Variants in SLC25A24 observed in about 807,000 individuals in gnomAD.
The protein encoded by SLC25A24 is mitochondrial adenyl nucleotide antiporter SLC25A24.
Under a neutral mutation model 60.7 loss-of-function variants are expected in SLC25A24, and 49 were observed. The observed-to-expected ratio is 0.81, with a 90% CI of 0.64 to 1.02. The LOEUF (loss-of-function observed/expected upper bound fraction) is 1.02. Ranked by LOEUF, SLC25A24 falls within the 50% of genes least tolerant of loss-of-function variation. The pLI, the probability that SLC25A24 is intolerant of heterozygous loss-of-function variation, is 0.00. For synonymous variants in SLC25A24, 202 were observed against 200.6 expected (o/e 1.01, Z -0.06); for missense variants, 564 against 586.3 (o/e 0.96, Z 0.39).
At chr1:108,197,699 C>T (rs1010221052) in intron 1 of SLC25A24, among the ~76,000 whole-genome samples, 1 of 152,194 alleles carries the variant, frequency 6.6e-6, no homozygotes, top group Non-Finnish European at 1.5e-5. Context: ...GCATTTGAAT[C>T]AGTAAACCAA....
Position 108,163,412 on chromosome 1 carries a change from T to C in SLC25A24, c.399-2119A>G, listed in dbSNP as rs1421778847. ...GTATGGCCATTTTCACGATACTGAT[T>C]CTTCCTACCCATGAGCATGGAATGT... On this transcript the variant is annotated intron_variant, in intron 3 of 9. Transcript: ENST00000565488. Among the ~76,000 whole-genome samples, 3 of 150,544 alleles carry C rather than the reference T, an allele frequency of 2.0e-5. No homozygotes were observed. In the East Asian group the frequency reaches 5.9e-4, roughly 29 times the overall value.
At chr1:108,174,152 C>T (rs1271924678) in intron 3 of SLC25A24, among the ~76,000 whole-genome samples, 5 of 152,208 alleles carry the variant, frequency 3.3e-5, no homozygotes, top group Non-Finnish European at 7.4e-5. Flanking sequence ...GCCTCCAGGG[C>T]ACTTCAGAGG....
intron 4 of SLC25A24, among the ~76,000 whole-genome samples, chr1:108,158,695 C>T (rs997299795): frequency 4.7e-5 from 4 of 84,720 alleles, no homozygotes; most frequent in African/African-American, 2.0e-4. Context: ...AGAAGACAAG[C>T]CCATAAAGAA....
At chr1:108,193,027 T>C (rs1648394996) in intron 1 of SLC25A24, among the ~76,000 whole-genome samples, 1 of 139,312 alleles carries the variant, frequency 7.2e-6, no homozygotes, top group Admixed American at 8.0e-5. Context: ...AAGTATAGCT[T>C]CTCTTTTGGA....
At chr1:108,161,795 TC>T (rs1680091991) in intron 3 of SLC25A24, among the ~76,000 whole-genome samples, 1 of 151,694 alleles carries the variant, frequency 6.6e-6, no homozygotes, top group Non-Finnish European at 1.5e-5. Context: ...TGCCTTTGAG[TC>T]TTTTTTTTTT....
intron 3 of SLC25A24, among the ~76,000 whole-genome samples, chr1:108,176,643 T>A (rs1025773241): frequency 2.6e-5 from 4 of 151,534 alleles, no homozygotes; most frequent in African/African-American, 9.7e-5. Context: ...AAGAAGCAAA[T>A]AACATATAAG....
In SLC25A24 at chr1:108,136,786, A is replaced by T; in HGVS notation, c.1301T>A (p.Ile434Asn). ...QLNMVGLFRRIISKEGIPGLY... is the reference protein window; with the variant it reads ...QLNMVGLFRRNISKEGIPGLY... The stretch of plus-strand genomic sequence containing the variant: ...TCCTGGTATTCCTTCTTTGGAAATA[A>T]TTCGTCGAAAGAGGCCAACCATATT... The change falls in exon 10 of 10, where the codon ATT becomes AAT. Residue 434 changes from isoleucine to asparagine, a missense_variant. By Grantham distance (149) the Ile-to-Asn change is moderately radical. Transcript: ENST00000565488. 1 of 1,614,154 alleles carries T rather than the reference A, an allele frequency of 6.2e-7. No individual in the cohort carries two copies. The highest frequency in any genetic ancestry group is 8.5e-7 in the Non-Finnish European group (1 of 1,180,012).
intron 3 of SLC25A24, among the ~76,000 whole-genome samples, chr1:108,167,592 G>T (rs1187698307): frequency 6.6e-6 from 1 of 152,230 alleles, no homozygotes; most frequent in Non-Finnish European, 1.5e-5. Flanking sequence ...GACTAGGAAA[G>T]GGAACTCCCT....
intron 3 of SLC25A24, among the ~76,000 whole-genome samples, chr1:108,174,917 C>T (rs746398819): frequency 6.6e-6 from 1 of 152,220 alleles, no homozygotes; most frequent in Admixed American, 6.5e-5. Flanking sequence ...TAATCAATGC[C>T]TGTACCCTCA....
intron 1 of SLC25A24, among the ~76,000 whole-genome samples, chr1:108,190,419 T>C (rs1002306580): frequency 2.0e-5 from 3 of 152,156 alleles, no homozygotes; most frequent in Non-Finnish European, 4.4e-5. Flanking sequence ...GTATTGTCTC[T>C]AGAGATAGCA....
chr1:108,159,923 T>G (rs1366602958), intron 4 of SLC25A24, among the ~76,000 whole-genome samples: 5 of 151,696 alleles, frequency 3.3e-5, no homozygotes, highest in Non-Finnish European at 7.4e-5. Context: ...CCTTTCCCCT[T>G]TTTCTATTCC....
intron 3 of SLC25A24, among the ~76,000 whole-genome samples, chr1:108,170,015 T>C (rs963370317): frequency 6.6e-6 from 1 of 152,178 alleles, no homozygotes; most frequent in East Asian, 1.9e-4. Context: ...CTTTGCTATA[T>C]ATTCTTTATT....
At chr1:108,158,412 C>G (rs1009132945) in intron 4 of SLC25A24, among the ~76,000 whole-genome samples, 7 of 152,102 alleles carry the variant, frequency 4.6e-5, no homozygotes, top group Non-Finnish European at 5.9e-5. Context: ...CTTCATTTTA[C>G]TATCAATAAA....
intron 1 of SLC25A24, chr1:108,192,383 G>T: frequency 2.8e-6 from 2 of 709,356 alleles, no homozygotes; most frequent in Non-Finnish European, 4.6e-6. Context: ...CCTGAACACT[G>T]CAGTGGGCCC....
At chr1:108,186,374 A>T (rs1648125533) in intron 1 of SLC25A24, among the ~76,000 whole-genome samples, 1 of 151,928 alleles carries the variant, frequency 6.6e-6, no homozygotes, top group Non-Finnish European at 1.5e-5. Context: ...TGGACAACAT[A>T]GTGAGACCTC....
intron 1 of SLC25A24, among the ~76,000 whole-genome samples, chr1:108,196,876 T>C (rs1244432796): frequency 6.6e-6 from 1 of 152,160 alleles, no homozygotes; most frequent in Admixed American, 6.6e-5. Context: ...AGAAAATAAC[T>C]GAAGACTTTT....
At chr1:108,186,823 AT>A (rs1648139549) in intron 1 of SLC25A24, among the ~76,000 whole-genome samples, 1 of 152,072 alleles carries the variant, frequency 6.6e-6, no homozygotes, top group Admixed American at 6.5e-5. Context: ...CATTCCTATA[AT>A]CCCAGCACTT....
chr1:108,143,916 A>T (rs1679515705), intron 7 of SLC25A24, among the ~76,000 whole-genome samples: 1 of 152,150 alleles, frequency 6.6e-6, no homozygotes, highest in Non-Finnish European at 1.5e-5. Context: ...TGCAAGGAGG[A>T]TCTGATGAAG....
At position 108,149,854 on chromosome 1, in the gene SLC25A24, T is replaced by TCTAAAGTGC. The variant is rs533472075; in HGVS notation, c.823-1477_823-1469dup. Among the ~76,000 whole-genome samples the TCTAAAGTGC allele has an allele frequency of 4.1e-4, 63 of 152,316 alleles. No individual in the cohort carries two copies. The East Asian group carries it at 5.0e-3, about 12-fold the overall frequency. On this transcript the variant is annotated intron_variant, in intron 6 of 9. Coordinates refer to ENST00000565488, the MANE Select transcript of SLC25A24 (RefSeq NM_013386.5). ...GCCAGCCAGTTTCTGTTCCCTGGGA[T>TCTAAAGTGC]CTAAAGTGCCCAATGCAACAACATA...
Sources: gnomAD v4.1 joint callset for allele counts (sites outside exome capture counted in the v4.1 genomes callset) on GRCh38, gnomAD v4.1.1 for gene constraint, MANE v1.5 for transcripts, NCBI Gene and HGNC (gene_info 2026-07-23, HGNC 2026-07-21) for gene names.